Variants in LBH observed in about 807,000 individuals in gnomAD.
The protein encoded by LBH is protein LBH.
LBH carries 7 observed loss-of-function variants against 12.5 expected under a neutral mutation model. The observed-to-expected ratio is 0.56, with a 90% CI of 0.32 to 1.05. LBH has a LOEUF of 1.05. Ranked by LOEUF, LBH falls within the 50% of genes least tolerant of loss-of-function variation. The pLI is 0.04. For missense variants in LBH, 119 were observed against 138.9 expected, an observed-to-expected ratio of 0.86 and a Z score of 0.72; for synonymous variants, 51 against 50.1, an observed-to-expected ratio of 1.02 and a Z score of -0.08.
chr2:30,231,568 C>A lies in LBH; in HGVS notation c.-171C>A. The A allele has an allele frequency of 1.6e-6, 1 of 643,498 alleles. No homozygotes were observed. Among genetic ancestry groups the A allele is most frequent in the Non-Finnish European group, 2.8e-6 (1 of 357,470 alleles). 39.9% of individuals were successfully genotyped at this position (643,498 alleles called of 1,614,324 possible). ...TCAGTGGAGAGCGGGGAGTTGTGTC[C>A]ACCTTGCCGACGTCGCTAGCCGTGG... On this transcript the variant is annotated 5_prime_UTR_variant, in exon 1 of 3. Transcript: ENST00000395323.
intron 2 of LBH, among the ~76,000 whole-genome samples, chr2:30,253,686 T>C (rs1678027016): frequency 6.6e-6 from 1 of 152,220 alleles, no homozygotes. Context: ...TATGACTCCC[T>C]CTTGCTTGGA....
At chr2:30,242,379 G>T (rs1326732370) in intron 2 of LBH, among the ~76,000 whole-genome samples, 1 of 152,034 alleles carries the variant, frequency 6.6e-6, no homozygotes, top group Non-Finnish European at 1.5e-5. Flanking sequence ...AAGTAGCTGA[G>T]ATTACAGGCG....
In LBH at chr2:30,258,635, A is replaced by G. The variant is rs930190723; in HGVS notation, c.*1014A>G. The G allele has an allele frequency of 1.3e-5, 2 of 152,174 alleles. No homozygotes were observed. The highest frequency in any genetic ancestry group is 4.8e-5 in the African/African-American group (2 of 41,308). 9.4% of individuals were successfully genotyped at this position (152,174 alleles called of 1,614,324 possible). A position where few individuals can be genotyped will look rare whatever the true frequency, so the allele number is the denominator to read the frequency against. ...GGGTACATGGGTCCCCAGCTCACCT[A>G]TGGATTCCCGCCAGTCTGCCCAGCT... is the stretch of plus-strand genomic sequence containing the variant. On this transcript the variant is annotated 3_prime_UTR_variant, in exon 3 of 3. Coordinates refer to ENST00000395323, the MANE Select transcript of LBH (RefSeq NM_030915.4).
chr2:30,231,622 G>T lies in LBH; in HGVS notation c.-117G>T. On this transcript the variant is annotated 5_prime_UTR_variant, in exon 1 of 3. Transcript: ENST00000395323. ...TGTCCTGGGAAGGCGGACGGCGAGCGCCCGGTGTCCGCACTCGGCCGCCTG... is the reference window on the plus strand; with the variant it reads ...TGTCCTGGGAAGGCGGACGGCGAGCTCCCGGTGTCCGCACTCGGCCGCCTG... 1.0e-6 allele frequency: 1 copy of T among 999,840 alleles called. No individual in the cohort carries two copies. Among genetic ancestry groups the T allele is most frequent in the Non-Finnish European group, 1.6e-6 (1 of 643,454 alleles). 61.9% of individuals were successfully genotyped at this position (999,840 alleles called of 1,614,324 possible).
chr2:30,232,472 A>G (rs1395804775), intron 1 of LBH: 7 of 425,018 alleles, frequency 1.6e-5, no homozygotes, highest in Non-Finnish European at 2.9e-5. Flanking sequence ...GCCGGGAGGG[A>G]TGCAGAGAGA....
intron 2 of LBH, among the ~76,000 whole-genome samples, chr2:30,250,421 C>CCGCTTTCCCTATTAGCATCTCT (rs1677958494): frequency 6.6e-6 from 1 of 151,986 alleles, no homozygotes; most frequent in East Asian, 1.9e-4. Context: ...CTGCTGGTGT[C>CCGCTTTCCCTATTAGCATCTCT]CGCTTTCCCT....
chr2:30,239,983 T>C lies in LBH; in HGVS notation c.129+5476T>C, dbSNP rs570048838. Among the ~76,000 whole-genome samples the C allele has an allele frequency of 3.3e-3, 509 of 152,264 alleles. 2 individuals carry two copies. Among genetic ancestry groups the C allele is most frequent in the Non-Finnish European group, 5.2e-3 (353 of 68,014 alleles). On this transcript the variant is annotated intron_variant, in intron 2 of 2. Transcript: ENST00000395323. ...GGGAGAGAACAAGCTTTCTTCACTT[T>C]CCCAGCCAACACGTTGCATACTAGG...
chr2:30,257,633 A>G lies in LBH; in HGVS notation c.*12A>G. The G allele has an allele frequency of 1.3e-6, 2 of 1,589,290 alleles. No individual in the cohort carries two copies. Among genetic ancestry groups the G allele is most frequent in the Non-Finnish European group, 1.7e-6 (2 of 1,164,878 alleles). On this transcript the variant is annotated 3_prime_UTR_variant, in exon 3 of 3. Transcript: ENST00000395323. ...ATAAAGAGCAGTAGAGTCCCTGTGG[A>G]CTCCCATGGGTCATACCAGCCAGCA... is the stretch of plus-strand genomic sequence containing the variant.
Position 30,257,507 on chromosome 2 carries a change from C to A in LBH, c.204C>A (p.Pro68=), listed in dbSNP as rs749692657. 1 of 1,614,242 alleles carries A rather than the reference C, an allele frequency of 6.2e-7. No homozygotes were observed. The highest frequency in any genetic ancestry group is 1.7e-5 in the Admixed American group (1 of 60,032). The change falls in exon 3 of 3, where the codon CCC becomes CCA. Residue 68 remains proline, a synonymous_variant. Transcript: ENST00000395323. Reference sequence around the variant, plus strand: ...GTCTGCCCTCCATAGTGGTGGAACCCACAGAAGGGGAGGTGGAGAGCGGGG... The same window carrying A: ...GTCTGCCCTCCATAGTGGTGGAACCAACAGAAGGGGAGGTGGAGAGCGGGG... ...KDRLPSIVVE[P]TEGEVESGEL... is the part of the protein sequence containing the mutation.
rs13396775 is a variant in LBH, at chr2:30,239,300, C to T, written c.129+4793C>T. 6.4e-3 allele frequency among the ~76,000 whole-genome samples: 973 copies of T among 152,298 alleles called. 7 individuals are homozygous for T. Among genetic ancestry groups the T allele is most frequent in the African/African-American group, 0.022 (914 of 41,546 alleles). ...GGAATGCGTGTGTGGAAACAGGTGACGGGTTAAGCCCTTAGGAAGGTTTCT... is the reference window on the plus strand; with the variant it reads ...GGAATGCGTGTGTGGAAACAGGTGATGGGTTAAGCCCTTAGGAAGGTTTCT... On this transcript the variant is annotated intron_variant, in intron 2 of 2. Transcript: ENST00000395323.
At chr2:30,256,061 AGCTCTGGGGT>A (rs1678078665) in intron 2 of LBH, among the ~76,000 whole-genome samples, 1 of 152,150 alleles carries the variant, frequency 6.6e-6, no homozygotes, top group Admixed American at 6.6e-5. Context: ...TTCTCTCTCT[AGCTCTGGGGT>A]GTGTCACTGA....
At chr2:30,235,151 G>C (rs999913288) in intron 2 of LBH, among the ~76,000 whole-genome samples, 1 of 152,174 alleles carries the variant, frequency 6.6e-6, no homozygotes, top group Non-Finnish European at 1.5e-5. Flanking sequence ...GGACCAGAGT[G>C]AGCCCTCTGG....
chr2:30,253,054 C>T (rs1678013228), intron 2 of LBH, among the ~76,000 whole-genome samples: 1 of 152,206 alleles, frequency 6.6e-6, no homozygotes. Context: ...TACTCCCTGC[C>T]AGTTCCTGCA....
At position 30,239,292 on chromosome 2, in the gene LBH, A is replaced by G. The variant is rs914582547; in HGVS notation, c.129+4785A>G. Among the ~76,000 whole-genome samples, 6 of 152,222 alleles carry G rather than the reference A, an allele frequency of 3.9e-5. No homozygotes were observed. In the South Asian group the frequency reaches 1.2e-3, roughly 32 times the overall value. On this transcript the variant is annotated intron_variant, in intron 2 of 2. Transcript: ENST00000395323. ...ACCTGGGTGGAATGCGTGTGTGGAAACAGGTGACGGGTTAAGCCCTTAGGA... is the reference window on the plus strand; with the variant it reads ...ACCTGGGTGGAATGCGTGTGTGGAAGCAGGTGACGGGTTAAGCCCTTAGGA...
At chr2:30,251,649 A>C (rs73925103) in intron 2 of LBH, among the ~76,000 whole-genome samples, 25,205 of 147,624 alleles carry the variant, frequency 0.17, 2,514 homozygotes, top group Admixed American at 0.27. Context: ...TCTGGGTGAC[A>C]AAACAAGACC....
intron 1 of LBH, chr2:30,232,058 C>T: frequency 6.8e-7 from 1 of 1,463,898 alleles, no homozygotes; most frequent in South Asian, 1.3e-5. Flanking sequence ...TGAATCCCCC[C>T]CAATGAAACC....
intron 1 of LBH, 73 bp downstream of exon 1, chr2:30,231,837 C>G (rs1677590468): frequency 3.6e-6 from 5 of 1,394,390 alleles, no homozygotes; most frequent in South Asian, 3.1e-5. Flanking sequence ...TGCTTCGTGC[C>G]GGCTCCGGGT....
At chr2:30,232,037 G>A (rs1168726829) in intron 1 of LBH, 2 of 1,344,776 alleles carry the variant, frequency 1.5e-6, no homozygotes, top group African/African-American at 1.5e-5. Flanking sequence ...GGGGGAGCCA[G>A]GGGTCACGTG....
rs1043912732 is a variant in LBH, at chr2:30,257,848, T to A, written c.*227T>A. ...AGCCCTCTGACAATTTGCAAGGCCC[T>A]CTGAGAAAGGAAGCTGCTTAGAGCC... On this transcript the variant is annotated 3_prime_UTR_variant, in exon 3 of 3. Transcript: ENST00000395323. 2 of 387,658 alleles carry A rather than the reference T, an allele frequency of 5.2e-6. No homozygotes were observed. Among genetic ancestry groups the A allele is most frequent in the Non-Finnish European group, 4.6e-6 (1 of 218,680 alleles). 24.0% of individuals were successfully genotyped at this position (387,658 alleles called of 1,614,324 possible).
Sources: allele counts gnomAD v4.1 joint callset (sites outside exome capture counted in the v4.1 genomes callset), GRCh38; gene constraint gnomAD v4.1.1; transcripts MANE v1.5; gene names NCBI Gene and HGNC (gene_info 2026-07-23, HGNC 2026-07-21).